Variants in ABLIM1 observed in about 807,000 individuals in gnomAD.
ABLIM1 encodes the protein actin binding LIM protein 1.
A neutral mutation model predicts 107.0 loss-of-function variants in ABLIM1; 40 were observed. The ratio of observed to expected loss-of-function variants is 0.37; its 90% CI spans 0.29 to 0.49. ABLIM1 has a LOEUF of 0.49. Ranked by LOEUF, ABLIM1 falls within the 20% of genes least tolerant of loss-of-function variation. ABLIM1 has a pLI of 0.97. For missense variants in ABLIM1, 857 were observed against 1,008.5 expected (o/e 0.85, Z 2.04); for synonymous variants, 357 against 357.3 (o/e 1.00, Z 0.01).
At chr10:114,576,953 C>T (rs1312401200) in intron 2 of ABLIM1, among the ~76,000 whole-genome samples, 1 of 152,202 alleles carries the variant, frequency 6.6e-6, no homozygotes. Context: ...CTGCCAACCT[C>T]TCCTCTGCCC....
At chr10:114,448,918 T>A (rs1432755714) in intron 14 of ABLIM1, among the ~76,000 whole-genome samples, 1 of 152,156 alleles carries the variant, frequency 6.6e-6, no homozygotes, top group Non-Finnish European at 1.5e-5. Context: ...TCTGGTCCAC[T>A]TCATTCTAAT....
At chr10:114,467,795 G>A (rs989021954) in intron 11 of ABLIM1, among the ~76,000 whole-genome samples, 1 of 152,134 alleles carries the variant, frequency 6.6e-6, no homozygotes, top group Non-Finnish European at 1.5e-5. Flanking sequence ...CCATCAAGAT[G>A]GCTCTGCTTA....
intron 6 of ABLIM1, among the ~76,000 whole-genome samples, chr10:114,543,815 C>A (rs574628790): frequency 2.6e-5 from 4 of 152,320 alleles, no homozygotes; most frequent in Admixed American, 2.6e-4. Flanking sequence ...CTTTTCCTCA[C>A]CTCTGAGCCT....
chr10:114,491,010 G>GTA (rs1484101683), intron 7 of ABLIM1, among the ~76,000 whole-genome samples: 898 of 89,168 alleles, frequency 0.01, 15 homozygotes, highest in African/African-American at 0.043. Context: ...GTGTGTGTGT[G>GTA]TGTATATATA....
intron 1 of ABLIM1, among the ~76,000 whole-genome samples, chr10:114,634,198 T>G (rs1232824011): frequency 7.9e-6 from 1 of 126,390 alleles, no homozygotes; most frequent in African/African-American, 3.0e-5. Context: ...AGTGGCGCGA[T>G]CTCGGCTCAC....
chr10:114,513,415 G>C (rs1031525753), intron 6 of ABLIM1, among the ~76,000 whole-genome samples: 1 of 151,818 alleles, frequency 6.6e-6, no homozygotes, highest in Non-Finnish European at 1.5e-5. Flanking sequence ...CTTAAATCAA[G>C]CAAAAACATT....
intron 1 of ABLIM1, among the ~76,000 whole-genome samples, chr10:114,709,542 G>A (rs1026584067): frequency 6.6e-6 from 1 of 152,164 alleles, no homozygotes; most frequent in Non-Finnish European, 1.5e-5. Context: ...ATCTAAAACT[G>A]TAGCAGTGAG....
intron 1 of ABLIM1, among the ~76,000 whole-genome samples, chr10:114,618,869 CTG>C (rs2077290271): frequency 6.6e-6 from 1 of 152,322 alleles, no homozygotes; most frequent in East Asian, 1.9e-4. Context: ...TGTTGCCTCA[CTG>C]TGGTCGTGTG....
intron 6 of ABLIM1, among the ~76,000 whole-genome samples, chr10:114,499,115 G>A (rs1373178664): frequency 2.6e-5 from 4 of 152,188 alleles, no homozygotes; most frequent in African/African-American, 4.8e-5. Flanking sequence ...AGGTCCACAC[G>A]TTAACCCTGT....
At chr10:114,688,049 C>T (rs555095451), upstream of ABLIM1, among the ~76,000 whole-genome samples, 5 of 152,040 alleles carry the variant, frequency 3.3e-5, 1 homozygote, top group South Asian at 8.3e-4. Context: ...GTGGTTTTTG[C>T]CGTTGAAAGT....
intron 22 of ABLIM1, 114 bp downstream of exon 22, chr10:114,437,730 G>T: frequency 1.2e-6 from 1 of 862,426 alleles, no homozygotes; most frequent in Non-Finnish European, 1.9e-6. Context: ...ACATGAGGGT[G>T]ATCTTTATAA....
At chr10:114,543,612 G>A (rs1244631810) in intron 6 of ABLIM1, among the ~76,000 whole-genome samples, 1 of 152,160 alleles carries the variant, frequency 6.6e-6, no homozygotes, top group East Asian at 1.9e-4. Flanking sequence ...ACATAGATTT[G>A]AGAACTCTCA....
chr10:114,677,870 A>T (rs958750851), intron 1 of ABLIM1, among the ~76,000 whole-genome samples: 3 of 152,188 alleles, frequency 2.0e-5, no homozygotes, highest in Non-Finnish European at 4.4e-5. Flanking sequence ...TCTAGCAAAA[A>T]ACTGTTCATT....
At chr10:114,498,378 G>A (rs550624027) in intron 6 of ABLIM1, among the ~76,000 whole-genome samples, 7 of 152,264 alleles carry the variant, frequency 4.6e-5, no homozygotes, top group Admixed American at 6.5e-5. Context: ...TGATTCCTCC[G>A]TGTCTGTTAC....
chr10:114,623,020 G>A (rs1032956023), intron 1 of ABLIM1, among the ~76,000 whole-genome samples: 5 of 152,110 alleles, frequency 3.3e-5, no homozygotes, highest in Non-Finnish European at 7.4e-5. Flanking sequence ...TGGAGTGCAT[G>A]GCGATCTCAG....
chr10:114,610,878 G>C (rs2076761658), intron 1 of ABLIM1, among the ~76,000 whole-genome samples: 1 of 152,192 alleles, frequency 6.6e-6, no homozygotes, highest in African/African-American at 2.4e-5. Flanking sequence ...TACTGGCCGG[G>C]TGCGGTGGCT....
the ABLIM1 span, among the ~76,000 whole-genome samples, chr10:114,798,486 C>G: frequency 6.7e-6 from 1 of 149,504 alleles, no homozygotes; most frequent in African/African-American, 2.5e-5. Context: ...AATCCCAGCA[C>G]TTTGGGAAGC....
intron 1 of ABLIM1, among the ~76,000 whole-genome samples, chr10:114,717,976 G>GAGAAAGAA (rs1248843196): frequency 7.0e-5 from 7 of 99,936 alleles, no homozygotes; most frequent in African/African-American, 2.7e-4. Context: ...AGAAGGGAAA[G>GAGAAAGAA]AGAAAGAAAG....
chr10:114,691,980 T>G (rs1357145336), intron 1 of ABLIM1, among the ~76,000 whole-genome samples: 6 of 152,202 alleles, frequency 3.9e-5, no homozygotes, highest in African/African-American at 9.7e-5. Flanking sequence ...TACATCATTG[T>G]CTCTCTCCTG....
Sources: gnomAD v4.1 joint callset for allele counts (sites outside exome capture counted in the v4.1 genomes callset) on GRCh38, gnomAD v4.1.1 for gene constraint, MANE v1.5 for transcripts, NCBI Gene and HGNC (gene_info 2026-07-23, HGNC 2026-07-21) for gene names.